Variants in CDH13 observed in about 807,000 individuals in gnomAD.
CDH13 encodes the protein cadherin-13.
A neutral mutation model predicts 63.8 loss-of-function variants in CDH13; 24 were observed. The ratio of observed to expected loss-of-function variants is 0.38; its 90% confidence interval spans 0.27 to 0.53. The LOEUF (loss-of-function observed/expected upper bound fraction) is 0.53. Among genes scored for constraint, CDH13 ranks in the 20% least tolerant of loss-of-function variants. The pLI, the probability that CDH13 is intolerant of heterozygous loss-of-function variation, is 0.85. For synonymous variants in CDH13, 503 were observed against 355.3 expected, an observed-to-expected ratio of 1.42 and a Z score of -4.67; for missense variants, 1,049 against 903.1, an observed-to-expected ratio of 1.16 and a Z score of -2.07.
At chr16:83,328,181 A>G (rs952351599) in intron 5 of CDH13, among the ~76,000 whole-genome samples, 3 of 152,108 alleles carry the variant, frequency 2.0e-5, no homozygotes, top group African/African-American at 4.8e-5. Flanking sequence ...CACAAGTGAA[A>G]GAAAAGATGT....
At chr16:83,024,460 T>C (rs1339607279) in intron 2 of CDH13, among the ~76,000 whole-genome samples, 1 of 152,120 alleles carries the variant, frequency 6.6e-6, no homozygotes, top group Non-Finnish European at 1.5e-5. Context: ...AAAGAACACA[T>C]TCATCTAGAA....
At chr16:82,790,235 G>C (rs894847817) in intron 1 of CDH13, among the ~76,000 whole-genome samples, 8 of 152,248 alleles carry the variant, frequency 5.3e-5, no homozygotes, top group African/African-American at 1.9e-4. Flanking sequence ...AGGAGTTCAA[G>C]ACCAGCCTGA....
intron 10 of CDH13, among the ~76,000 whole-genome samples, chr16:83,741,894 C>T (rs1912099554): frequency 6.6e-6 from 1 of 152,098 alleles, no homozygotes; most frequent in Non-Finnish European, 1.5e-5. Context: ...GGGATCTAGG[C>T]GGCACACTCC....
intron 1 of CDH13, among the ~76,000 whole-genome samples, chr16:82,809,936 G>C (rs1324932130): frequency 2.0e-5 from 3 of 152,132 alleles, no homozygotes; most frequent in African/African-American, 7.2e-5. Context: ...TTGATTAACT[G>C]ATACGTAGAC....
intron 13 of CDH13, among the ~76,000 whole-genome samples, chr16:83,789,260 GAAGTGAGCTTAAACCCTT>G (rs1356226876): frequency 6.6e-6 from 1 of 151,922 alleles, no homozygotes; most frequent in East Asian, 1.9e-4. Flanking sequence ...AGGCTGCACA[GAAGTGAGCTTAAACCCTT>G]AAGCAAGGAT....
At chr16:82,935,656 G>T (rs887604486) in intron 2 of CDH13, among the ~76,000 whole-genome samples, 3 of 152,058 alleles carry the variant, frequency 2.0e-5, no homozygotes, top group African/African-American at 7.2e-5. Flanking sequence ...CCAACCTCTG[G>T]GCTATGGACC....
At chr16:83,024,549 A>G (rs1458370311) in intron 2 of CDH13, among the ~76,000 whole-genome samples, 1 of 152,152 alleles carries the variant, frequency 6.6e-6, no homozygotes, top group East Asian at 1.9e-4. Flanking sequence ...CTCGGTTCAT[A>G]TAATGACTTC....
At chr16:82,881,836 A>AC in intron 2 of CDH13, among the ~76,000 whole-genome samples, 1 of 151,182 alleles carries the variant, frequency 6.6e-6, no homozygotes, top group East Asian at 1.9e-4. Context: ...CTGGTTCATG[A>AC]CCCCCACACC....
At chr16:82,660,515 G>C (rs1032503720) in intron 1 of CDH13, among the ~76,000 whole-genome samples, 1 of 152,160 alleles carries the variant, frequency 6.6e-6, no homozygotes, top group Non-Finnish European at 1.5e-5. Context: ...CAGAGGCACA[G>C]GGATTAAATT....
chr16:83,575,181 G>A (rs1391461989), intron 7 of CDH13, among the ~76,000 whole-genome samples: 1 of 152,182 alleles, frequency 6.6e-6, no homozygotes, highest in Non-Finnish European at 1.5e-5. Context: ...TGATGGATAT[G>A]GAATTTTTCT....
intron 6 of CDH13, among the ~76,000 whole-genome samples, chr16:83,450,618 C>A (rs947448447): frequency 2.0e-5 from 3 of 152,158 alleles, no homozygotes; most frequent in South Asian, 2.1e-4. Flanking sequence ...TGCCTGTAAT[C>A]CCAGCAGTTT....
intron 3 of CDH13, among the ~76,000 whole-genome samples, chr16:83,117,102 G>C (rs1349799967): frequency 2.0e-5 from 3 of 152,208 alleles, no homozygotes; most frequent in African/African-American, 7.2e-5. Flanking sequence ...ATCCCTTTGA[G>C]TCTATTCTCC....
chr16:83,616,818 G>C (rs1909322187), intron 8 of CDH13, among the ~76,000 whole-genome samples: 1 of 152,136 alleles, frequency 6.6e-6, no homozygotes, highest in African/African-American at 2.4e-5. Flanking sequence ...TGCATACATG[G>C]TTTCAAACAC....
intron 6 of CDH13, among the ~76,000 whole-genome samples, chr16:83,389,177 A>G (rs1438849123): frequency 6.6e-6 from 1 of 152,252 alleles, no homozygotes; most frequent in Non-Finnish European, 1.5e-5. Context: ...TTTTAATTAA[A>G]GAAACATAAT....
chr16:83,261,379 G>A (rs1331639082), intron 5 of CDH13, among the ~76,000 whole-genome samples: 1 of 152,204 alleles, frequency 6.6e-6, no homozygotes, highest in African/African-American at 2.4e-5. Flanking sequence ...AACTGGCAGT[G>A]TCTGGATGAA....
chr16:83,571,287 A>C (rs1403294847), intron 7 of CDH13, among the ~76,000 whole-genome samples: 1 of 152,164 alleles, frequency 6.6e-6, no homozygotes, highest in African/African-American at 2.4e-5. Flanking sequence ...AAATTGTCAC[A>C]TGAGGGACAG....
rs2075000628 is a variant in CDH13 at position 83,527,954 on chromosome 16, A to G, written c.960+41299A>G. Reference sequence around the variant, plus strand: ...ATTAGAGCCAGAGGAAATATTAGAGATCTTCCTCGAATGAGTTCGGTGACT... The same window carrying G: ...ATTAGAGCCAGAGGAAATATTAGAGGTCTTCCTCGAATGAGTTCGGTGACT... On this transcript the variant is annotated intron_variant, in intron 7 of 13. Coordinates refer to ENST00000567109, the MANE Select transcript of CDH13 (RefSeq NM_001257.5). Among the ~76,000 whole-genome samples the G allele has an allele frequency of 3.9e-5, 6 of 152,208 alleles. No individual in the cohort carries two copies. The South Asian group carries it at 1.2e-3, about 31-fold the overall frequency.
intron 5 of CDH13, among the ~76,000 whole-genome samples, chr16:83,274,031 G>T (rs965832541): frequency 6.6e-5 from 10 of 152,114 alleles, no homozygotes; most frequent in Non-Finnish European, 1.2e-4. Context: ...CTTACCTGGG[G>T]TTAAGCTCTC....
chr16:83,151,382 T>A (rs1049987222), intron 4 of CDH13, among the ~76,000 whole-genome samples: 2 of 152,160 alleles, frequency 1.3e-5, no homozygotes, highest in African/African-American at 4.8e-5. Context: ...CCTCTTCCCA[T>A]CGTTTCCAAC....
Sources: gnomAD v4.1 joint callset for allele counts (sites outside exome capture counted in the v4.1 genomes callset) on GRCh38, gnomAD v4.1.1 for gene constraint, MANE v1.5 for transcripts, NCBI Gene and HGNC (gene_info 2026-07-23, HGNC 2026-07-21) for gene names.